The following MAP2K4 variants were observed in gnomAD, a reference collection of about 807,000 sequenced individuals.
MAP2K4 encodes mitogen-activated protein kinase kinase 4.
Under a neutral mutation model 48.5 loss-of-function variants are expected in MAP2K4, and 4 were observed. The observed-to-expected ratio is 0.08, with a 90% CI of 0.04 to 0.19. MAP2K4 has a LOEUF of 0.19. Among genes scored for constraint, MAP2K4 ranks in the 10% least tolerant of loss-of-function variants. MAP2K4 has a pLI of 1.00. For synonymous variants in MAP2K4, 166 were observed against 173.1 expected (o/e 0.96, Z 0.32); for missense variants, 258 against 493.3 (o/e 0.52, Z 4.52).
At chr17:12,110,300 A>T in intron 5 of MAP2K4, 75 bp from the exon 6 acceptor site, 1 of 980,318 alleles carries the variant, frequency 1.0e-6, no homozygotes, top group Non-Finnish European at 1.7e-6. Flanking sequence ...ACGGGATATT[A>T]CTTGTGATAA....
At chr17:12,086,821 C>T (rs1168224351) in intron 3 of MAP2K4, among the ~76,000 whole-genome samples, 1 of 118,704 alleles carries the variant, frequency 8.4e-6, no homozygotes, top group African/African-American at 3.0e-5. Flanking sequence ...TGGAGAAAAA[C>T]CTGTTTTTTG....
chr17:12,060,728 G>GGGGTGT (rs71367376), intron 2 of MAP2K4, among the ~76,000 whole-genome samples: 23,678 of 150,256 alleles, frequency 0.16, 2,139 homozygotes, highest in South Asian at 0.28. Flanking sequence ...AATACTATGG[G>GGGGTGT]GTGTGTGTGT....
chr17:12,036,031 A>G (rs1567626306), intron 1 of MAP2K4, among the ~76,000 whole-genome samples: 1 of 152,196 alleles, frequency 6.6e-6, no homozygotes. Flanking sequence ...AATTTGGGAA[A>G]CATCTCTGTA....
intron 9 of MAP2K4, among the ~76,000 whole-genome samples, chr17:12,131,237 T>TC (rs1298451098): frequency 6.7e-6 from 1 of 149,444 alleles, no homozygotes; most frequent in East Asian, 2.0e-4. Context: ...CACATTTCTT[T>TC]TTTTTTTTTT....
chr17:12,033,561 G>A (rs767962366), intron 1 of MAP2K4, among the ~76,000 whole-genome samples: 1 of 151,920 alleles, frequency 6.6e-6, no homozygotes, highest in Non-Finnish European at 1.5e-5. Flanking sequence ...TTACTGTTAT[G>A]TCTCCCTTGC....
chr17:12,118,200 C>T (rs1972564596), intron 7 of MAP2K4, among the ~76,000 whole-genome samples: 1 of 152,172 alleles, frequency 6.6e-6, no homozygotes, highest in African/African-American at 2.4e-5. Flanking sequence ...GAAAATTCAA[C>T]ATCAGAACAG....
intron 1 of MAP2K4, among the ~76,000 whole-genome samples, chr17:12,037,344 A>G (rs886379267): frequency 5.3e-5 from 8 of 152,210 alleles, no homozygotes; most frequent in Admixed American, 1.3e-4. Flanking sequence ...TGACCTGCTA[A>G]GAAGTGTCTG....
chr17:12,026,955 A>G (rs940110014), intron 1 of MAP2K4: 1 of 152,252 alleles, frequency 6.6e-6, no homozygotes, highest in Non-Finnish European at 1.5e-5. Flanking sequence ...AGAGGAAACC[A>G]TTGCAGATTT....
At position 12,130,588 on chromosome 17, in the gene MAP2K4, A is replaced by G. The variant is rs148372998; in HGVS notation, c.1040+1301A>G. Among the ~76,000 whole-genome samples, 410 of 152,250 alleles carry G rather than the reference A, an allele frequency of 2.7e-3. 3 individuals are homozygous for G. Among genetic ancestry groups the G allele is most frequent in the African/African-American group, 9.3e-3 (385 of 41,566 alleles). On this transcript the variant is annotated intron_variant, in intron 9 of 10. Coordinates refer to ENST00000353533, the MANE Select transcript of MAP2K4 (RefSeq NM_003010.4). ...GTTCTGTATGTGTTGGTACTTGTACATGTTTATTTCTGTTTCCCTTGATGC... is the reference window on the plus strand; with the variant it reads ...GTTCTGTATGTGTTGGTACTTGTACGTGTTTATTTCTGTTTCCCTTGATGC...
intron 4 of MAP2K4, among the ~76,000 whole-genome samples, chr17:12,102,262 T>C (rs146853134): frequency 9.8e-4 from 149 of 152,222 alleles, no homozygotes; most frequent in Non-Finnish European, 1.9e-3. Context: ...ATCCTTGAGA[T>C]GTTTTTGAGA....
intron 7 of MAP2K4, among the ~76,000 whole-genome samples, chr17:12,115,001 T>C (rs1972440820): frequency 6.6e-6 from 1 of 152,204 alleles, no homozygotes; most frequent in Non-Finnish European, 1.5e-5. Flanking sequence ...CTGTTATAGA[T>C]AGACAAGAAC....
At chr17:12,128,324 G>A (rs548304967) in intron 8 of MAP2K4, among the ~76,000 whole-genome samples, 92 of 152,270 alleles carry the variant, frequency 6.0e-4, no homozygotes, top group African/African-American at 1.5e-3. Flanking sequence ...TGATCCACCC[G>A]CCTCGGCATC....
At chr17:12,097,848 C>T (rs900106143) in intron 4 of MAP2K4, among the ~76,000 whole-genome samples, 2 of 152,066 alleles carry the variant, frequency 1.3e-5, no homozygotes, top group African/African-American at 2.4e-5. Context: ...TATATATATG[C>T]TTTTTAAATA....
chr17:12,113,680 A>G lies in MAP2K4; in HGVS notation c.813+320A>G, dbSNP rs530021323. 3.9e-5 allele frequency among the ~76,000 whole-genome samples: 6 copies of G among 152,312 alleles called. No homozygotes were observed. The East Asian group carries it at 1.2e-3, about 29-fold the overall frequency. On this transcript the variant is annotated intron_variant, in intron 7 of 10. Transcript: ENST00000353533. ...TCTCAGAAAGTTCCCACCGTCCCTT[A>G]GTGAGACAAATGGGAAGCCTTGAGT... is the stretch of plus-strand genomic sequence containing the variant.
At chr17:12,086,697 A>G (rs1971374913) in intron 3 of MAP2K4, among the ~76,000 whole-genome samples, 1 of 152,202 alleles carries the variant, frequency 6.6e-6, no homozygotes, top group South Asian at 2.1e-4. Flanking sequence ...ATTTTAGTCA[A>G]TCATTATATG....
rs1969004957 is a variant in MAP2K4 at position 12,020,881 on chromosome 17, C to T, written c.-6C>T. On this transcript the variant is annotated 5_prime_UTR_variant, in exon 1 of 11. Transcript: ENST00000353533. ...CGCGGCGCCGCTCGGCTCTTCACTC[C>T]CAACAATGGCGGCTCCGAGCCCGAG... is the stretch of plus-strand genomic sequence containing the variant. The T allele has an allele frequency of 3.3e-6, 4 of 1,207,610 alleles. No individual in the cohort carries two copies. Among genetic ancestry groups the T allele is most frequent in the Non-Finnish European group, 4.1e-6 (4 of 969,994 alleles). The allele number at this position is 1,207,610 out of a possible 1,614,324, so 74.8% of individuals were successfully genotyped here.
intron 9 of MAP2K4, among the ~76,000 whole-genome samples, chr17:12,132,311 A>G (rs1567675587): frequency 6.6e-6 from 1 of 152,256 alleles, no homozygotes; most frequent in Non-Finnish European, 1.5e-5. Flanking sequence ...AAGCACATTT[A>G]TAACCTACAA....
chr17:12,040,656 G>T (rs1319643966), intron 1 of MAP2K4, among the ~76,000 whole-genome samples: 2 of 152,200 alleles, frequency 1.3e-5, no homozygotes, highest in Non-Finnish European at 2.9e-5. Context: ...AGAATGCTCA[G>T]ATCCTTCAGG....
At chr17:12,109,545 G>T (rs1972237552) in intron 5 of MAP2K4, among the ~76,000 whole-genome samples, 1 of 152,136 alleles carries the variant, frequency 6.6e-6, no homozygotes, top group Non-Finnish European at 1.5e-5. Flanking sequence ...TTGAGGTTGT[G>T]TCTCTTTTCC....
Sources: gnomAD v4.1 joint callset for allele counts (sites outside exome capture counted in the v4.1 genomes callset) on GRCh38, gnomAD v4.1.1 for gene constraint, MANE v1.5 for transcripts, NCBI Gene and HGNC (gene_info 2026-07-23, HGNC 2026-07-21) for gene names.